The following LOC122539214 variants were observed in gnomAD, a reference collection of about 807,000 sequenced individuals.
the LOC122539214 span, among the ~76,000 whole-genome samples, chr19:52,661,167 T>C: frequency 1.3e-5 from 2 of 152,104 alleles, no homozygotes; most frequent in African/African-American, 4.8e-5. Context: ...CCAGCTGAGA[T>C]TTAATGTTTA....
the LOC122539214 span, among the ~76,000 whole-genome samples, chr19:52,680,760 C>G: frequency 9.7e-5 from 14 of 143,828 alleles, no homozygotes; most frequent in South Asian, 2.8e-3. Flanking sequence ...CTACAGGCGC[C>G]CGCCACTACG....
chr19:52,686,001 G>C, the LOC122539214 span, among the ~76,000 whole-genome samples: 2 of 151,978 alleles, frequency 1.3e-5, no homozygotes, highest in Non-Finnish European at 1.5e-5. Context: ...CGCACCAGAG[G>C]GCCTTGAGGG....
At chr19:52,652,036 T>G in the LOC122539214 span, 1 of 229,034 alleles carries the variant, frequency 4.4e-6, no homozygotes, top group Non-Finnish European at 8.9e-6. Context: ...TTTTCTACTG[T>G]TCTGCAAGGA....
chr19:52,675,937 A>AT, the LOC122539214 span, among the ~76,000 whole-genome samples: 2 of 152,106 alleles, frequency 1.3e-5, no homozygotes, highest in African/African-American at 4.8e-5. Flanking sequence ...CATGCTTGTA[A>AT]TCCCACCACT....
the LOC122539214 span, among the ~76,000 whole-genome samples, chr19:52,680,098 GA>G: frequency 1.3e-5 from 2 of 152,154 alleles, no homozygotes; most frequent in African/African-American, 4.8e-5. Flanking sequence ...AGAATTGCTT[GA>G]ACCTTGGAGA....
the LOC122539214 span, among the ~76,000 whole-genome samples, chr19:52,674,474 T>G: frequency 2.0e-5 from 3 of 152,056 alleles, no homozygotes; most frequent in Non-Finnish European, 2.9e-5. Flanking sequence ...CAGAAAGAAA[T>G]AAATAAAATT....
the LOC122539214 span, among the ~76,000 whole-genome samples, chr19:52,655,946 C>G: frequency 6.6e-6 from 1 of 152,114 alleles, no homozygotes; most frequent in Non-Finnish European, 1.5e-5. Flanking sequence ...CACGGTGGCT[C>G]ACACCTGAAA....
chr19:52,657,102 C>A, the LOC122539214 span, among the ~76,000 whole-genome samples: 3 of 148,156 alleles, frequency 2.0e-5, no homozygotes, highest in South Asian at 2.2e-4. Flanking sequence ...GGGGACACAG[C>A]GAGACCCTAT....
chr19:52,686,764 C>T, the LOC122539214 span, among the ~76,000 whole-genome samples: 3 of 151,928 alleles, frequency 2.0e-5, no homozygotes, highest in African/African-American at 7.2e-5. Flanking sequence ...ATAGAGACGG[C>T]GTTTCACCAT....
chr19:52,684,473 T>C, the LOC122539214 span, among the ~76,000 whole-genome samples: 4 of 148,696 alleles, frequency 2.7e-5, no homozygotes, highest in African/African-American at 1.0e-4. Flanking sequence ...CACTTGAAGC[T>C]AGGAGACAGA....
chr19:52,679,389 T>A, the LOC122539214 span, among the ~76,000 whole-genome samples: 6 of 152,096 alleles, frequency 3.9e-5, no homozygotes, highest in African/African-American at 1.4e-4. Context: ...GGTGGGTGGG[T>A]CACCTGTGGT....
At chr19:52,677,280 A>C in the LOC122539214 span, among the ~76,000 whole-genome samples, 1 of 150,704 alleles carries the variant, frequency 6.6e-6, no homozygotes, top group Admixed American at 6.6e-5. Flanking sequence ...TTGCTTTTGA[A>C]TATTAAAGAC....
At chr19:52,685,404 A>G in the LOC122539214 span, among the ~76,000 whole-genome samples, 7 of 152,144 alleles carry the variant, frequency 4.6e-5, no homozygotes, top group Non-Finnish European at 8.8e-5. Flanking sequence ...TTACAGAAGC[A>G]TCTTTCAAAT....
chr19:52,680,611 T>A, the LOC122539214 span, among the ~76,000 whole-genome samples: 1 of 110,104 alleles, frequency 9.1e-6, no homozygotes, highest in Non-Finnish European at 2.1e-5. Flanking sequence ...AAAATATTTT[T>A]TTTTTTTTTT....
the LOC122539214 span, among the ~76,000 whole-genome samples, chr19:52,666,796 C>T: frequency 1.3e-5 from 2 of 152,158 alleles, no homozygotes; most frequent in Non-Finnish European, 2.9e-5. Context: ...AAAGGTCTGA[C>T]CAGGCCTAGG....
At chr19:52,666,563 T>C in the LOC122539214 span, among the ~76,000 whole-genome samples, 3 of 143,520 alleles carry the variant, frequency 2.1e-5, no homozygotes, top group Non-Finnish European at 4.5e-5. Context: ...GAAAAATAAC[T>C]TTTAGAGGAA....
chr19:52,687,520 T>A, the LOC122539214 span, among the ~76,000 whole-genome samples: 1 of 54,144 alleles, frequency 1.8e-5, no homozygotes, highest in Non-Finnish European at 3.5e-5. Context: ...TATATATAAA[T>A]TTTATATATA....
the LOC122539214 span, among the ~76,000 whole-genome samples, chr19:52,682,684 AAAAAGAAAAAGAAAAAGAAAAAGAAAAAG>A: frequency 3.1e-4 from 3 of 9,566 alleles, no homozygotes; most frequent in African/African-American, 1.0e-3. Flanking sequence ...CAAGAAAAAG[AAAAAGAAAAAGAAAAAGAAAAAGAAAAAG>A]AAAAGATGTA....
At chr19:52,663,111 CAAGAT>C in the LOC122539214 span, among the ~76,000 whole-genome samples, 67 of 151,942 alleles carry the variant, frequency 4.4e-4, no homozygotes, top group African/African-American at 1.4e-3. Context: ...TGCAGTGAGC[CAAGAT>C]CGTATCACTG....
Sources: allele counts gnomAD v4.1 joint callset (sites outside exome capture counted in the v4.1 genomes callset), GRCh38; gene constraint gnomAD v4.1.1; transcripts MANE v1.5.